Variants in SLC41A2 observed in about 807,000 individuals in gnomAD.
SLC41A2 encodes solute carrier family 41 member 2.
Under a neutral mutation model 58.3 loss-of-function variants are expected in SLC41A2, and 32 were observed. That is an observed-to-expected ratio of 0.55 (90% CI 0.41 to 0.74). The LOEUF (loss-of-function observed/expected upper bound fraction) is 0.74. Ranked by LOEUF, SLC41A2 falls within the 30% of genes least tolerant of loss-of-function variation. The probability of loss-of-function intolerance (pLI) is 0.00; values close to 1 mark genes in which losing one functional copy is unlikely to be tolerated. For synonymous variants in SLC41A2, 190 were observed against 235.0 expected, an observed-to-expected ratio of 0.81 and a Z score of 1.75; for missense variants, 514 against 680.6, an observed-to-expected ratio of 0.76 and a Z score of 2.72.
At chr12:104,949,144 G>A (rs1160560548) in intron 1 of SLC41A2, among the ~76,000 whole-genome samples, 1 of 152,160 alleles carries the variant, frequency 6.6e-6, no homozygotes, top group Non-Finnish European at 1.5e-5. Context: ...CTTGAACCCA[G>A]GAGGCAGAGG....
chr12:104,958,377 GCC>G (rs2048257643), upstream of SLC41A2: 1 of 149,502 alleles, frequency 6.7e-6, no homozygotes, highest in Non-Finnish European at 1.5e-5. Context: ...CCGCGCCGCC[GCC>G]GGGGAAGCCC....
intron 8 of SLC41A2, among the ~76,000 whole-genome samples, chr12:104,849,150 A>C (rs754657677): frequency 4.6e-5 from 7 of 152,234 alleles, no homozygotes; most frequent in Non-Finnish European, 7.3e-5. Flanking sequence ...ATTTTTTAAC[A>C]AAATAGATAA....
In SLC41A2 at chr12:104,803,205, A is replaced by G. The variant is rs2040758707; in HGVS notation, c.*1947T>C. 1 of 152,186 alleles carries G rather than the reference A, an allele frequency of 6.6e-6. No individual in the cohort carries two copies. The highest frequency in any genetic ancestry group is 1.5e-5 in the Non-Finnish European group (1 of 68,008). The allele number at this position is 152,186 out of a possible 1,614,324, so 9.4% of individuals were successfully genotyped here. A position where few individuals can be genotyped will look rare whatever the true frequency, so the allele number is the denominator to read the frequency against. On this transcript the variant is annotated 3_prime_UTR_variant, in exon 11 of 11. Coordinates refer to ENST00000258538, the MANE Select transcript of SLC41A2 (RefSeq NM_001352171.3). Reference sequence around the variant, plus strand: ...AATGTTTATGAATCTTACAGCTCAAATGCAAATAATTTACAAATGCTTTAT... The same window carrying G: ...AATGTTTATGAATCTTACAGCTCAAGTGCAAATAATTTACAAATGCTTTAT...
chr12:104,915,830 G>A (rs896009795), intron 2 of SLC41A2, among the ~76,000 whole-genome samples: 1 of 152,240 alleles, frequency 6.6e-6, no homozygotes. Context: ...GTGAGAGAGG[G>A]CATCCCTGTC....
At chr12:104,830,826 C>T (rs2042010546) in intron 10 of SLC41A2, among the ~76,000 whole-genome samples, 2 of 152,132 alleles carry the variant, frequency 1.3e-5, no homozygotes, top group Non-Finnish European at 2.9e-5. Flanking sequence ...CAAGCTATTT[C>T]CTACATTATA....
At position 104,923,158 on chromosome 12, in the gene SLC41A2, C is replaced by T. The variant is rs1040236454; in HGVS notation, c.555+4815G>A. The stretch of plus-strand genomic sequence containing the variant: ...CGTGTGGGTCACGAGGTCAGGAGGT[C>T]GAGACCATCCTGGCTAACACGGTGA... On this transcript the variant is annotated intron_variant, in intron 2 of 10. Transcript: ENST00000258538. Among the ~76,000 whole-genome samples the T allele has an allele frequency of 4.3e-5, 6 of 140,898 alleles. 1 individual carries two copies. Among genetic ancestry groups the T allele is most frequent in the African/African-American group, 1.3e-4 (5 of 38,676 alleles). 92.4% of individuals were successfully genotyped at this position (140,898 alleles called of 152,430 possible). A position where few individuals can be genotyped will look rare whatever the true frequency, so the allele number is the denominator to read the frequency against.
chr12:104,805,329 G>A lies in SLC41A2; in HGVS notation c.1545C>T (p.Thr515=). ...CCATCCAGTCAGCAATCCACAGCAA[G>A]GTAAATACCTAGAAGAGAACAACAG... is the stretch of plus-strand genomic sequence containing the variant. ...YLFGAVLQVF[T]LLWIADWMVH... is the part of the protein sequence containing the mutation. The change falls in exon 11 of 11, where the codon ACC becomes ACT. Residue 515 remains threonine (T), a synonymous_variant. Transcript: ENST00000258538. 1.2e-6 allele frequency: 2 copies of A among 1,613,034 alleles called. No homozygotes were observed. Among genetic ancestry groups the A allele is most frequent in the Middle Eastern group, 1.7e-4 (1 of 6,044 alleles).
intron 3 of SLC41A2, among the ~76,000 whole-genome samples, chr12:104,897,491 G>A (rs1307350110): frequency 6.6e-6 from 1 of 151,792 alleles, no homozygotes; most frequent in Non-Finnish European, 1.5e-5. Context: ...GATCTCTAGG[G>A]TGGTACTAAT....
intron 3 of SLC41A2, among the ~76,000 whole-genome samples, chr12:104,900,776 T>G (rs1353025290): frequency 6.6e-6 from 1 of 152,226 alleles, no homozygotes; most frequent in Admixed American, 6.5e-5. Flanking sequence ...GAGATTGTAA[T>G]TATATCTAAA....
Position 104,802,130 on chromosome 12 carries a change from T to A in SLC41A2, c.*3022A>T, listed in dbSNP as rs140957320. On this transcript the variant is annotated 3_prime_UTR_variant, in exon 11 of 11. Coordinates refer to ENST00000258538, the MANE Select transcript of SLC41A2 (RefSeq NM_001352171.3). ...ATTTTTGGACACCTACCAGAACACATATTACCATAAGTTTCCATTTTATCA... is the reference window on the plus strand; with the variant it reads ...ATTTTTGGACACCTACCAGAACACAAATTACCATAAGTTTCCATTTTATCA... Among the ~76,000 whole-genome samples the A allele has an allele frequency of 1.1e-3, 161 of 152,252 alleles. No homozygotes were observed. The highest frequency in any genetic ancestry group is 3.6e-3 in the African/African-American group (149 of 41,560).
At chr12:104,925,912 C>G (rs937833366) in intron 2 of SLC41A2, among the ~76,000 whole-genome samples, 1 of 152,132 alleles carries the variant, frequency 6.6e-6, no homozygotes, top group African/African-American at 2.4e-5. Context: ...CTATAAGAAC[C>G]TAAAACAATT....
intron 10 of SLC41A2, among the ~76,000 whole-genome samples, chr12:104,832,643 G>T (rs1308381668): frequency 6.6e-6 from 1 of 152,020 alleles, no homozygotes; most frequent in Non-Finnish European, 1.5e-5. Flanking sequence ...ATAATACAAT[G>T]GTGTTGTATT....
rs565378369 is a variant in SLC41A2, at chr12:104,957,537, A to G, written c.-168+551T>C. 7.9e-5 allele frequency among the ~76,000 whole-genome samples: 12 copies of G among 152,346 alleles called. No individual in the cohort carries two copies. In the East Asian group the frequency reaches 2.3e-3, roughly 29 times the overall value. On this transcript the variant is annotated intron_variant, in intron 1 of 10. Transcript: ENST00000258538. ...TGTATATCTCAATTTAAAAATTGTC[A>G]CTACAAAAAAAAGATGACATATATA...
chr12:104,827,918 G>T (rs1352943713), intron 10 of SLC41A2, among the ~76,000 whole-genome samples: 2 of 152,202 alleles, frequency 1.3e-5, no homozygotes, highest in East Asian at 3.9e-4. Context: ...AATTGGAGAA[G>T]AAGTGCTGTG....
intron 2 of SLC41A2, among the ~76,000 whole-genome samples, chr12:104,910,909 C>A (rs1164937995): frequency 6.6e-5 from 10 of 152,154 alleles, no homozygotes; most frequent in African/African-American, 2.4e-4. Flanking sequence ...TTTTCCTGAT[C>A]CAGGAGAGAT....
In SLC41A2 at chr12:104,885,083, T is replaced by C. The variant is rs937671821; in HGVS notation, c.1027+1210A>G. On this transcript the variant is annotated intron_variant, in intron 6 of 10. Coordinates refer to ENST00000258538, the MANE Select transcript of SLC41A2 (RefSeq NM_001352171.3). ...GAAGGGAATTAAGTGTTGTCCTTAA[T>C]ATACTTAAACATGTATCATTCTTTG... Among the ~76,000 whole-genome samples, 7 of 152,294 alleles carry C rather than the reference T, an allele frequency of 4.6e-5. 1 individual carries two copies. Among genetic ancestry groups the C allele is most frequent in the Admixed American group, 1.3e-4 (2 of 15,298 alleles).
intron 3 of SLC41A2, among the ~76,000 whole-genome samples, chr12:104,898,426 T>C (rs2045397813): frequency 6.6e-6 from 1 of 151,804 alleles, no homozygotes; most frequent in South Asian, 2.1e-4. Flanking sequence ...GATTTATAAA[T>C]ATAGCCACTA....
chr12:104,957,178 AC>A (rs2048200263), intron 1 of SLC41A2, among the ~76,000 whole-genome samples: 1 of 76,136 alleles, frequency 1.3e-5, no homozygotes, highest in Non-Finnish European at 3.5e-5. Flanking sequence ...GTACACTGAT[AC>A]AACAATATTA....
At chr12:104,867,979 G>T (rs2043556652) in intron 6 of SLC41A2, among the ~76,000 whole-genome samples, 1 of 151,470 alleles carries the variant, frequency 6.6e-6, no homozygotes, top group Non-Finnish European at 1.5e-5. Context: ...TTAAAATATA[G>T]CTAAACAAAT....
Sources: allele counts gnomAD v4.1 joint callset (sites outside exome capture counted in the v4.1 genomes callset), GRCh38; gene constraint gnomAD v4.1.1; transcripts MANE v1.5; gene names NCBI Gene and HGNC (gene_info 2026-07-23, HGNC 2026-07-21).